The following GMPR variants were observed in gnomAD, a reference collection of about 807,000 sequenced individuals.
GMPR encodes GMP reductase 1.
Under a neutral mutation model 38.4 loss-of-function variants are expected in GMPR, and 31 were observed. The observed-to-expected ratio is 0.81, with a 90% CI of 0.61 to 1.09. The LOEUF (loss-of-function observed/expected upper bound fraction) is 1.09, where lower values mean the gene tolerates loss of function less well. Ranked by LOEUF, GMPR falls within the 50% of genes least tolerant of loss-of-function variation. The pLI is 0.00. For missense variants in GMPR, 468 were observed against 453.7 expected (o/e 1.03, Z -0.29); for synonymous variants, 162 against 173.3 (o/e 0.93, Z 0.51).
At chr6:16,267,244 C>T (rs9383146) in intron 4 of GMPR, among the ~76,000 whole-genome samples, 62,992 of 151,366 alleles carry the variant, frequency 0.42, 13,577 homozygotes, top group East Asian at 0.7. Context: ...CAGTGGCGGG[C>T]GCCTGTAGTC....
Position 16,295,340 on chromosome 6 carries a change from G to T in GMPR, c.*154G>T. Reference sequence around the variant, plus strand: ...GTCTCCTGCTGCCTGGAGGCTTCGGGGCTCTCCCGCCTGCCTTCTCGGGGC... The same window carrying T: ...GTCTCCTGCTGCCTGGAGGCTTCGGTGCTCTCCCGCCTGCCTTCTCGGGGC... On this transcript the variant is annotated 3_prime_UTR_variant, in exon 9 of 9. Transcript: ENST00000259727. The T allele has an allele frequency of 1.8e-6, 1 of 554,216 alleles. No individual in the cohort carries two copies. The highest frequency in any genetic ancestry group is 4.2e-5 in the South Asian group (1 of 23,800). The allele number at this position is 554,216 out of a possible 1,614,324, so 34.3% of individuals were successfully genotyped here.
At chr6:16,278,168 C>T (rs1367713071) in intron 5 of GMPR, among the ~76,000 whole-genome samples, 1 of 152,058 alleles carries the variant, frequency 6.6e-6, no homozygotes, top group African/African-American at 2.4e-5. Flanking sequence ...CAGCTGGGCC[C>T]TGTGGAGCAC....
chr6:16,251,369 G>A (rs1199120994), intron 3 of GMPR, among the ~76,000 whole-genome samples: 1 of 152,178 alleles, frequency 6.6e-6, no homozygotes, highest in Admixed American at 6.5e-5. Context: ...TCGGGAGTTC[G>A]AGTCCAACCT....
chr6:16,280,858 G>T (rs1024972845), intron 6 of GMPR, among the ~76,000 whole-genome samples: 12 of 152,170 alleles, frequency 7.9e-5, no homozygotes, highest in African/African-American at 2.7e-4. Flanking sequence ...TATCGTAAGT[G>T]TTGAATGACC....
chr6:16,288,052 C>G lies in GMPR; in HGVS notation c.697+2217C>G, dbSNP rs574986019. Among the ~76,000 whole-genome samples, 110 of 152,308 alleles carry G rather than the reference C, an allele frequency of 7.2e-4. 1 individual carries two copies. The highest frequency in any genetic ancestry group is 2.6e-3 in the African/African-American group (109 of 41,572). On this transcript the variant is annotated intron_variant, in intron 7 of 8. Transcript: ENST00000259727. ...GTCTTGTTCTGTTCTAAAGGTAAAC[C>G]CTCAGTAGGGCTTACTCAGGGGAGG... is the stretch of plus-strand genomic sequence containing the variant.
At position 16,266,420 on chromosome 6, in the gene GMPR, G is replaced by A. The variant is rs1242162553; in HGVS notation, c.466-7995G>A. On this transcript the variant is annotated intron_variant, in intron 4 of 8. Transcript: ENST00000259727. Reference sequence around the variant, plus strand: ...ACCTTTAAGAGCTGTAACACTCACTGTGAAAAAGGTGGCACGTCGGACGTG... The same window carrying A: ...ACCTTTAAGAGCTGTAACACTCACTATGAAAAAGGTGGCACGTCGGACGTG... 3.9e-5 allele frequency among the ~76,000 whole-genome samples: 4 copies of A among 101,982 alleles called. No individual in the cohort carries two copies. In the East Asian group the frequency reaches 1.5e-3, roughly 39 times the overall value. The allele number at this position is 101,982 out of a possible 152,430, so 66.9% of individuals were successfully genotyped here.
chr6:16,246,700 A>T (rs1182233104), intron 1 of GMPR, 142 bp from the exon 2 acceptor site: 1 of 747,882 alleles, frequency 1.3e-6, no homozygotes, highest in African/African-American at 1.8e-5. Flanking sequence ...TGTCTTTGGA[A>T]TACCTGTCTT....
At chr6:16,267,637 AGCC>A (rs1233637860) in intron 4 of GMPR, among the ~76,000 whole-genome samples, 1 of 152,112 alleles carries the variant, frequency 6.6e-6, no homozygotes, top group African/African-American at 2.4e-5. Context: ...CACTCACCGC[AGCC>A]GAAGGTCTGT....
intron 6 of GMPR, among the ~76,000 whole-genome samples, chr6:16,279,623 G>A (rs1406326961): frequency 6.6e-6 from 1 of 152,208 alleles, no homozygotes; most frequent in Non-Finnish European, 1.5e-5. Context: ...GAGAGCTGAT[G>A]GTTGAAAAGG....
intron 8 of GMPR, among the ~76,000 whole-genome samples, chr6:16,294,149 G>C (rs1449859336): frequency 1.3e-5 from 2 of 152,164 alleles, no homozygotes; most frequent in Non-Finnish European, 2.9e-5. Flanking sequence ...GGCCAGACTT[G>C]AGTTTCTAAA....
intron 4 of GMPR, among the ~76,000 whole-genome samples, chr6:16,273,794 T>C (rs778779552): frequency 6.6e-6 from 1 of 151,864 alleles, no homozygotes; most frequent in East Asian, 1.9e-4. Context: ...CTTTTTGTAT[T>C]TGGGGGTCCC....
At chr6:16,270,057 C>G (rs1438115948) in intron 4 of GMPR, among the ~76,000 whole-genome samples, 1 of 152,250 alleles carries the variant, frequency 6.6e-6, no homozygotes, top group Non-Finnish European at 1.5e-5. Flanking sequence ...ATATCACCAC[C>G]TTGGGAATAA....
intron 6 of GMPR, 141 bp downstream of exon 6, chr6:16,279,031 C>G: frequency 1.6e-6 from 1 of 617,172 alleles, no homozygotes; most frequent in Middle Eastern, 4.3e-4. Context: ...TCAGCAGAAA[C>G]AGAGGCCCTG....
At chr6:16,263,689 ATTGGGGTG>A (rs1759131610) in intron 4 of GMPR, among the ~76,000 whole-genome samples, 2 of 100,234 alleles carry the variant, frequency 2.0e-5, no homozygotes, top group East Asian at 1.0e-3. Context: ...GAAATAAGGG[ATTGGGGTG>A]CAGAGATAAG....
At position 16,239,117 on chromosome 6, in the gene GMPR, T is replaced by C. The variant is rs531932482; in HGVS notation, c.87+337T>C. Among the ~76,000 whole-genome samples, 6 of 152,258 alleles carry C rather than the reference T, an allele frequency of 3.9e-5. No homozygotes were observed. The East Asian group carries it at 1.2e-3, about 29-fold the overall frequency. On this transcript the variant is annotated intron_variant, in intron 1 of 8. Transcript: ENST00000259727. ...GGCGCTTATAGCAAGAAAAGGAAAC[T>C]GGAGCTAGGGGAGAGAGGACGAGAA...
At chr6:16,267,095 G>T (rs1759263581) in intron 4 of GMPR, among the ~76,000 whole-genome samples, 1 of 152,066 alleles carries the variant, frequency 6.6e-6, no homozygotes, top group Non-Finnish European at 1.5e-5. Context: ...CGGGCGCTGT[G>T]GCTCACGCCT....
chr6:16,259,141 TTTATAGGATTTGGGTAGGTAAAGGAAAA>T, intron 4 of GMPR: 2 of 151,876 alleles, frequency 1.3e-5, no homozygotes, highest in Admixed American at 1.3e-4. Context: ...GTGGGGCCGT[TTTATAGGATTTGGGTAGGTAAAGGAAAA>T]TTACAGTCAA....
intron 6 of GMPR, among the ~76,000 whole-genome samples, chr6:16,285,033 CA>C (rs11370216): frequency 0.053 from 5,747 of 108,520 alleles, 374 homozygotes; most frequent in African/African-American, 0.19. Context: ...AAAAAAAAAA[CA>C]AAAAAAAAAA....
chr6:16,292,059 G>T (rs1416768420), intron 8 of GMPR, among the ~76,000 whole-genome samples: 1 of 152,336 alleles, frequency 6.6e-6, no homozygotes, highest in East Asian at 1.9e-4. Context: ...GAGGGAAGTT[G>T]CCTGTGAATC....
Sources: allele counts gnomAD v4.1 joint callset (sites outside exome capture counted in the v4.1 genomes callset), GRCh38; gene constraint gnomAD v4.1.1; transcripts MANE v1.5; gene names NCBI Gene and HGNC (gene_info 2026-07-23, HGNC 2026-07-21).